Variants in OR5B21 observed in about 807,000 individuals in gnomAD.
OR5B21 encodes olfactory receptor 5B21.
For missense variants in OR5B21, 372 were observed against 375.7 expected, an observed-to-expected ratio of 0.99 and a Z score of 0.08; for synonymous variants, 151 against 143.3, an observed-to-expected ratio of 1.05 and a Z score of -0.38.
In OR5B21 at chr11:58,508,077, A is replaced by C. The variant is rs1374272435; in HGVS notation, c.29T>G (p.Phe10Cys). ...GTCATCTGTTAATCCCAAGAGGATAAACTCTGTCACTTCTGTGCTATTCTC... is the reference window on the plus strand; with the variant it reads ...GTCATCTGTTAATCCCAAGAGGATACACTCTGTCACTTCTGTGCTATTCTC... MENSTEVTE[F>C]ILLGLTDDPN... The change falls in exon 1 of 1, where the codon TTT (phenylalanine) becomes TGT (cysteine). Residue 10 changes from phenylalanine (F) to cysteine (C), a missense_variant. Physicochemically the swap from Phe to Cys is radical, Grantham distance 205 (BLOSUM62 -2). Transcript: ENST00000360374. 6.2e-7 allele frequency: 1 copy of C among 1,613,882 alleles called. No individual in the cohort carries two copies.
rs531148002 is a variant in OR5B21 at position 58,507,558 on chromosome 11, A to C, written c.548T>G (p.Leu183Arg). 17 of 1,614,178 alleles carry C rather than the reference A, an allele frequency of 1.1e-5. No homozygotes were observed. In the South Asian group the frequency reaches 1.4e-4, roughly 14 times the overall value. The change falls in exon 1 of 1, where the codon CTG becomes CGG. Residue 183 changes from leucine (L) to arginine (R), a missense_variant. By Grantham distance (102) the Leu-to-Arg change is moderately radical. Coordinates refer to ENST00000360374, the MANE Select transcript of OR5B21 (RefSeq NM_001005218.3). ...NHFFCDIPPL[L>R]ALSCSDTRIS... Reference sequence around the variant, plus strand: ...GCGTGTGTCAGAGCATGAGAGAGCCAGGAGTGGGGGAATGTCACAGAAGAA... The same window carrying C: ...GCGTGTGTCAGAGCATGAGAGAGCCCGGAGTGGGGGAATGTCACAGAAGAA...
chr11:58,507,146 C>A lies in OR5B21; in HGVS notation c.*30G>T, dbSNP rs1853055234. On this transcript the variant is annotated 3_prime_UTR_variant, in exon 1 of 1. Transcript: ENST00000360374. ...TTTAGGTGTGAGAGAAAGTTTATCC[C>A]TTAATTGCTTGCCTACTTCCCATTC... The A allele has an allele frequency of 1.3e-6, 2 of 1,486,396 alleles. No homozygotes were observed. Among genetic ancestry groups the A allele is most frequent in the African/African-American group, 2.8e-5 (2 of 72,318 alleles). 92.1% of individuals were successfully genotyped at this position (1,486,396 alleles called of 1,614,324 possible).
In OR5B21 at chr11:58,507,718, A is replaced by C; in HGVS notation, c.388T>G (p.Tyr130Asp). 1 of 1,614,212 alleles carries C rather than the reference A, an allele frequency of 6.2e-7. No individual in the cohort carries two copies. The highest frequency in any genetic ancestry group is 8.5e-7 in the Non-Finnish European group (1 of 1,180,038). The change falls in exon 1 of 1, where the codon TAC (tyrosine) becomes GAC (aspartate). Residue 130 changes from tyrosine (Y) to aspartate (D), a missense_variant. By Grantham distance (160) the Tyr-to-Asp change is radical (BLOSUM62 -3). Coordinates refer to ENST00000360374, the MANE Select transcript of OR5B21 (RefSeq NM_001005218.3). Reference sequence around the variant, plus strand: ...ACACCTGCTGTCATGGTGGTGGTGTAATGAAGAGGCCTACATACCGCTGCA... The same window carrying C: ...ACACCTGCTGTCATGGTGGTGGTGTCATGAAGAGGCCTACATACCGCTGCA... ...RHAAVCRPLHYTTTMTAGVCA... is the reference protein window; with the variant it reads ...RHAAVCRPLHDTTTMTAGVCA...
rs1438080737 is a variant in OR5B21 at position 58,507,853 on chromosome 11, A to G, written c.253T>C (p.Ser85Pro). ...VAPKTVAALR[S>P]GDKAISYDGC... is the part of the protein sequence containing the mutation. ...TCGTAGGAGATGGCCTTGTCCCCTG[A>G]CCGCAATGCAGCCACCGTTTTGGGG... Residue 85 changes from serine (S) to proline (P), a missense_variant, in exon 1 of 1, where the codon TCA becomes CCA. Ser to Pro is a moderately conservative substitution (Grantham distance 74). Coordinates refer to ENST00000360374, the MANE Select transcript of OR5B21 (RefSeq NM_001005218.3). 2 of 1,614,008 alleles carry G rather than the reference A, an allele frequency of 1.2e-6. No homozygotes were observed. The highest frequency in any genetic ancestry group is 1.7e-6 in the Non-Finnish European group (2 of 1,180,020).
Position 58,507,816 on chromosome 11 carries a change from G to A in OR5B21, c.290C>T (p.Ala97Val), listed in dbSNP as rs1289269742. The A allele has an allele frequency of 6.2e-7, 1 of 1,614,102 alleles. No homozygotes were observed. The change falls in exon 1 of 1, where the codon GCT becomes GTT. Residue 97 changes from alanine (A) to valine (V), a missense_variant. Physicochemically the swap from Ala to Val is moderately conservative, Grantham distance 64. Transcript: ENST00000360374. Reference protein sequence around the residue: ...DKAISYDGCAAQFFFFVGFAT... With the variant: ...DKAISYDGCAVQFFFFVGFAT... ...AAACCCCACAAAGAAGAAGAACTGA[G>A]CTGCACATCCATCGTAGGAGATGGC...
chr11:58,507,787 T>C lies in OR5B21; in HGVS notation c.319A>G (p.Thr107Ala), dbSNP rs763866141. 2 of 1,614,070 alleles carry C rather than the reference T, an allele frequency of 1.2e-6. No homozygotes were observed. The highest frequency in any genetic ancestry group is 8.5e-7 in the Non-Finnish European group (1 of 1,179,996). The change falls in exon 1 of 1, where the codon ACT becomes GCT. Residue 107 changes from threonine (T) to alanine (A), a missense_variant. Transcript: ENST00000360374. ...AQFFFFVGFA[T>A]VECYLLASMA... ...GAGGCCAGGAGGTAGCACTCAACAG[T>C]GGCAAACCCCACAAAGAAGAAGAAC... is the stretch of plus-strand genomic sequence containing the variant.
rs541052996 is a variant in OR5B21, at chr11:58,507,334, G to A, written c.772C>T (p.Gln258Ter). 1.1e-5 allele frequency: 17 copies of A among 1,614,184 alleles called. No homozygotes were observed. Among genetic ancestry groups the A allele is most frequent in the South Asian group, 7.7e-5 (7 of 91,088 alleles). Residue 258 changes from glutamine (Q) to a stop codon, truncating the protein, a stop_gained, in exon 1 of 1, where the codon CAG becomes TAG. Coordinates refer to ENST00000360374, the MANE Select transcript of OR5B21 (RefSeq NM_001005218.3). LOFTEE classifies it low-confidence loss of function (END_TRUNC). ...TCCACGGACTGGCTGGAGTTGGGCT[G>A]TAAGTACATGAAGATGATTGTGCCA... is the stretch of plus-strand genomic sequence containing the variant. The part of the protein sequence containing the change: ...FYGTIIFMYL[Q>*]PNSSQSVDTD...
At position 58,507,033 on chromosome 11, in the gene OR5B21, C is replaced by T. The variant is rs1032873297; in HGVS notation, c.*143G>A. The T allele has an allele frequency of 4.9e-6, 3 of 615,540 alleles. No homozygotes were observed. The highest frequency in any genetic ancestry group is 2.3e-5 in the South Asian group (1 of 43,736). 38.1% of individuals were successfully genotyped at this position (615,540 alleles called of 1,614,324 possible). On this transcript the variant is annotated 3_prime_UTR_variant, in exon 1 of 1. Coordinates refer to ENST00000360374, the MANE Select transcript of OR5B21 (RefSeq NM_001005218.3). Reference sequence around the variant, plus strand: ...TCTAAGTAAGACTTTCAACGTGCTGCTTTTTACATCTTCTAATAGCAGAAG... The same window carrying T: ...TCTAAGTAAGACTTTCAACGTGCTGTTTTTTACATCTTCTAATAGCAGAAG...
chr11:58,507,632 T>G lies in OR5B21; in HGVS notation c.474A>C (p.Ala158=), dbSNP rs888908339. The G allele has an allele frequency of 5.6e-6, 9 of 1,613,998 alleles. No individual in the cohort carries two copies. The African/African-American group carries it at 1.2e-4, about 22-fold the overall frequency. Residue 158 remains alanine, a synonymous_variant, in exon 1 of 1, where the codon GCA becomes GCC. Transcript: ENST00000360374. ...VSGFLNASIH[A]AGTFRLSFCG... ...AGAAGGAGAGTCTGAAGGTGCCTGC[T>G]GCATGGATAGAGGCATTGAGGAAGC... is the stretch of plus-strand genomic sequence containing the variant.
In OR5B21 at chr11:58,506,897, T is replaced by C. The variant is rs2515366; in HGVS notation, c.*279A>G. On this transcript the variant is annotated 3_prime_UTR_variant, in exon 1 of 1. Transcript: ENST00000360374. ...AATTAAAAACAGGATGAGGAAAATT[T>C]GGTACATTCATTTGTATGCTTCAAT... 0.51 allele frequency among the ~76,000 whole-genome samples: 78,194 copies of C among 152,028 alleles called. 20,988 individuals carry two copies. The highest frequency in any genetic ancestry group is 0.7 in the East Asian group (3,634 of 5,166).
At position 58,506,970 on chromosome 11, in the gene OR5B21, T is replaced by A. The variant is rs1430533559; in HGVS notation, c.*206A>T. 6.6e-6 allele frequency among the ~76,000 whole-genome samples: 1 copy of A among 152,244 alleles called. No individual in the cohort carries two copies. The highest frequency in any genetic ancestry group is 1.5e-5 in the Non-Finnish European group (1 of 68,040). ...GAAACTAAAGCAAGAAAAGCTTAAC[T>A]GTCCCATGTTGTTGTTCACTAAATA... On this transcript the variant is annotated 3_prime_UTR_variant, in exon 1 of 1. Transcript: ENST00000360374.
At position 58,507,602 on chromosome 11, in the gene OR5B21, A is replaced by G; in HGVS notation, c.504T>C (p.Gly168=). ...AAGTFRLSFC[G]SNEINHFFCD... The stretch of plus-strand genomic sequence containing the variant: ...AGAAGAAATGATTAATCTCATTAGA[A>G]CCACAGAAGGAGAGTCTGAAGGTGC... The change falls in exon 1 of 1, where the codon GGT becomes GGC. Residue 168 remains glycine (G), a synonymous_variant. Transcript: ENST00000360374. 6.2e-7 allele frequency: 1 copy of G among 1,614,170 alleles called. No homozygotes were observed. The highest frequency in any genetic ancestry group is 8.5e-7 in the Non-Finnish European group (1 of 1,180,026).
rs1445199214 is a variant in OR5B21, at chr11:58,507,101, C to T, written c.*75G>A. On this transcript the variant is annotated 3_prime_UTR_variant, in exon 1 of 1. Coordinates refer to ENST00000360374, the MANE Select transcript of OR5B21 (RefSeq NM_001005218.3). The stretch of plus-strand genomic sequence containing the variant: ...GAAGAAAGAACTGAAACCAGTCAAA[C>T]GTTAAAAGTCATGATGGCATTTAGG... 2.9e-6 allele frequency: 3 copies of T among 1,036,472 alleles called. No individual in the cohort carries two copies. Among genetic ancestry groups the T allele is most frequent in the East Asian group, 2.4e-5 (1 of 41,762 alleles). The allele number at this position is 1,036,472 out of a possible 1,614,324, so 64.2% of individuals were successfully genotyped here.
Position 58,508,004 on chromosome 11 carries a change from G to GAGGT in OR5B21, c.98_101dup (p.Ile35ProfsTer30). 3 of 1,614,086 alleles carry GAGGT rather than the reference G, an allele frequency of 1.9e-6. No homozygotes were observed. Among genetic ancestry groups the GAGGT allele is most frequent in the Non-Finnish European group, 2.5e-6 (3 of 1,179,954 alleles). ...TTCCCCCATTCCCAAGCAGGGTGAT[G>GAGGT]AGGTAGATGAATAAAAATGCCAGGA... On this transcript the variant is annotated frameshift_variant, in exon 1 of 1. Transcript: ENST00000360374. LOFTEE classifies it low-confidence loss of function (END_TRUNC).
At position 58,507,748 on chromosome 11, in the gene OR5B21, G is replaced by A. The variant is rs1853069845; in HGVS notation, c.358C>T (p.Arg120Cys). ...AGAGGCCTACATACCGCTGCATGGC[G>A]ATCATAGGCCATGGAGGCCAGGAGG... Reference protein sequence around the residue: ...CYLLASMAYDRHAAVCRPLHY... With the variant: ...CYLLASMAYDCHAAVCRPLHY... Residue 120 changes from arginine (R) to cysteine (C), a missense_variant, in exon 1 of 1, where the codon CGC becomes TGC. Transcript: ENST00000360374. The A allele has an allele frequency of 4.3e-6, 7 of 1,614,042 alleles. No individual in the cohort carries two copies. Among genetic ancestry groups the A allele is most frequent in the Non-Finnish European group, 5.9e-6 (7 of 1,180,032 alleles).
rs1853052825 is a variant in OR5B21, at chr11:58,506,946, A to T, written c.*230T>A. On this transcript the variant is annotated 3_prime_UTR_variant, in exon 1 of 1. Coordinates refer to ENST00000360374, the MANE Select transcript of OR5B21 (RefSeq NM_001005218.3). ...ATCTTCTGCTTTAAACCACGTCAAG[A>T]AACTAAAGCAAGAAAAGCTTAACTG... Among the ~76,000 whole-genome samples, 1 of 152,236 alleles carries T rather than the reference A, an allele frequency of 6.6e-6. No homozygotes were observed. The highest frequency in any genetic ancestry group is 2.4e-5 in the African/African-American group (1 of 41,468).
At position 58,507,346 on chromosome 11, in the gene OR5B21, AGAT is replaced by A; in HGVS notation, c.757_759del (p.Ile253del). ...CTGGAGTTGGGCTGTAAGTACATGA[AGAT>A]GATTGTGCCATAGAAGATGGACAAA... On this transcript the variant is annotated inframe_deletion, in exon 1 of 1. Transcript: ENST00000360374. 1 of 1,614,174 alleles carries A rather than the reference AGAT, an allele frequency of 6.2e-7. No individual in the cohort carries two copies. The highest frequency in any genetic ancestry group is 8.5e-7 in the Non-Finnish European group (1 of 1,180,012).
chr11:58,507,067 G>T lies in OR5B21; in HGVS notation c.*109C>A. 1.3e-6 allele frequency: 1 copy of T among 760,502 alleles called. No individual in the cohort carries two copies. Among genetic ancestry groups the T allele is most frequent in the Admixed American group, 2.4e-5 (1 of 42,446 alleles). 47.1% of individuals were successfully genotyped at this position (760,502 alleles called of 1,614,324 possible). A position where few individuals can be genotyped will look rare whatever the true frequency, so the allele number is the denominator to read the frequency against. On this transcript the variant is annotated 3_prime_UTR_variant, in exon 1 of 1. Transcript: ENST00000360374. ...TCTTCTAATAGCAGAAGTAACCGCT[G>T]TTCTTGGGGAAGAAAGAACTGAAAC... is the stretch of plus-strand genomic sequence containing the variant.
chr11:58,507,113 T>C lies in OR5B21; in HGVS notation c.*63A>G. On this transcript the variant is annotated 3_prime_UTR_variant, in exon 1 of 1. Coordinates refer to ENST00000360374, the MANE Select transcript of OR5B21 (RefSeq NM_001005218.3). The stretch of plus-strand genomic sequence containing the variant: ...GAAACCAGTCAAACGTTAAAAGTCA[T>C]GATGGCATTTAGGTGTGAGAGAAAG... The C allele has an allele frequency of 1.7e-6, 2 of 1,148,338 alleles. No individual in the cohort carries two copies. Among genetic ancestry groups the C allele is most frequent in the Non-Finnish European group, 2.5e-6 (2 of 791,328 alleles). The allele number at this position is 1,148,338 out of a possible 1,614,324, so 71.1% of individuals were successfully genotyped here. A position where few individuals can be genotyped will look rare whatever the true frequency, so the allele number is the denominator to read the frequency against.
Sources: gnomAD v4.1 joint callset for allele counts (sites outside exome capture counted in the v4.1 genomes callset) on GRCh38, gnomAD v4.1.1 for gene constraint, MANE v1.5 for transcripts, NCBI Gene and HGNC (gene_info 2026-07-23, HGNC 2026-07-21) for gene names.